LDB2: variants seen among roughly 807,000 people sequenced by gnomAD.
The protein encoded by LDB2 is LIM domain binding 2.
In LDB2, 12 loss-of-function variants were observed where a neutral mutation model predicts 44.3. The observed-to-expected ratio is 0.27, with a 90% CI of 0.17 to 0.44. The LOEUF (loss-of-function observed/expected upper bound fraction) is 0.44. Among genes scored for constraint, LDB2 ranks in the 20% least tolerant of loss-of-function variants. LDB2 has a pLI of 1.00. For synonymous variants in LDB2, 164 were observed against 174.8 expected (o/e 0.94, Z 0.49); for missense variants, 344 against 473.5 (o/e 0.73, Z 2.54).
intron 2 of LDB2, among the ~76,000 whole-genome samples, chr4:16,756,770 T>C (rs1766750438): frequency 6.6e-6 from 1 of 151,950 alleles, no homozygotes. Flanking sequence ...TGACATACAA[T>C]AAATAAATAA....
chr4:16,742,463 T>C (rs1763502187), intron 2 of LDB2, among the ~76,000 whole-genome samples: 1 of 152,208 alleles, frequency 6.6e-6, no homozygotes, highest in Non-Finnish European at 1.5e-5. Context: ...AACCCACTTT[T>C]TTCAGACTTG....
intron 1 of LDB2, among the ~76,000 whole-genome samples, chr4:16,759,982 G>A (rs781309053): frequency 6.6e-5 from 10 of 152,254 alleles, no homozygotes; most frequent in Middle Eastern, 3.4e-3. Flanking sequence ...CTTTGGAAGC[G>A]GCCCAGTTTA....
intron 1 of LDB2, among the ~76,000 whole-genome samples, chr4:16,824,987 A>G (rs1276070531): frequency 3.3e-5 from 5 of 152,234 alleles, no homozygotes; most frequent in African/African-American, 4.8e-5. Flanking sequence ...TATATGGTAG[A>G]TGCAGAGTAA....
At chr4:16,520,229 T>G (rs1318868284) in intron 5 of LDB2, among the ~76,000 whole-genome samples, 1 of 150,946 alleles carries the variant, frequency 6.6e-6, no homozygotes, top group Non-Finnish European at 1.5e-5. Flanking sequence ...AAAAACAAAC[T>G]CTTATCTAAG....
At chr4:16,880,353 T>A (rs974226669) in intron 1 of LDB2, among the ~76,000 whole-genome samples, 2 of 152,040 alleles carry the variant, frequency 1.3e-5, no homozygotes, top group African/African-American at 4.8e-5. Context: ...ACGGCTGAAA[T>A]CCAGAGCACT....
chr4:16,818,412 A>G (rs1407301591), intron 1 of LDB2, among the ~76,000 whole-genome samples: 4 of 152,236 alleles, frequency 2.6e-5, no homozygotes, highest in Admixed American at 1.3e-4. Context: ...AGAACTGTCA[A>G]TGAATCTGTG....
chr4:16,614,164 G>A (rs1436107310), intron 2 of LDB2, among the ~76,000 whole-genome samples: 3 of 152,112 alleles, frequency 2.0e-5, no homozygotes, highest in African/African-American at 7.2e-5. Flanking sequence ...ACAAGCAATG[G>A]GGAAAGGATA....
intron 2 of LDB2, among the ~76,000 whole-genome samples, chr4:16,734,822 C>T (rs1289828651): frequency 2.0e-5 from 3 of 151,740 alleles, no homozygotes; most frequent in Non-Finnish European, 4.4e-5. Flanking sequence ...GATTCTCCTG[C>T]CTCAGCCTCC....
intron 1 of LDB2, among the ~76,000 whole-genome samples, chr4:16,867,197 T>C (rs1056394391): frequency 4.6e-5 from 7 of 152,126 alleles, no homozygotes; most frequent in African/African-American, 1.7e-4. Context: ...TGCTCAGCCT[T>C]GGAAACACCC....
intron 1 of LDB2, among the ~76,000 whole-genome samples, chr4:16,774,019 C>G (rs1308046806): frequency 2.1e-5 from 2 of 94,194 alleles, no homozygotes; most frequent in Non-Finnish European, 2.5e-5. Context: ...GCTGGGCGTG[C>G]TGGCGCATGC....
At chr4:16,689,330 AG>A (rs971949209) in intron 2 of LDB2, among the ~76,000 whole-genome samples, 1 of 152,218 alleles carries the variant, frequency 6.6e-6, no homozygotes, top group Non-Finnish European at 1.5e-5. Context: ...AAGGAAACAA[AG>A]CTAAAAAATT....
intron 2 of LDB2, among the ~76,000 whole-genome samples, chr4:16,717,195 T>TGAG (rs34222510): frequency 0.22 from 33,677 of 149,798 alleles, 4,560 homozygotes; most frequent in Non-Finnish European, 0.31. Flanking sequence ...ATAATGATGA[T>TGAG]GAGGAGGACT....
In LDB2 at chr4:16,595,771, A is replaced by C. The variant is rs757149003; in HGVS notation, c.340T>G (p.Ser114Ala). The C allele has an allele frequency of 1.2e-6, 2 of 1,613,856 alleles. No homozygotes were observed. The highest frequency in any genetic ancestry group is 1.1e-5 in the South Asian group (1 of 91,054). The part of the protein sequence containing the change: ...LKHSKESYHN[S>A]SITVDCDQCT... The stretch of plus-strand genomic sequence containing the variant: ...TGGTCGCAGTCCACCGTGATGGATG[A>C]GTTGTGGTATGACTCTTTCGAGTGT... The change falls in exon 3 of 8, where the codon TCA becomes GCA. Residue 114 changes from serine (S) to alanine (A), a missense_variant. Physicochemically the swap from Ser to Ala is moderately conservative, Grantham distance 99. Around this residue, in one of 3 missense-constraint regions of LDB2, gnomAD observed 226 missense variants for 270.1 expected, o/e 0.84. Transcript: ENST00000304523.
chr4:16,671,336 C>T (rs1744714200), intron 2 of LDB2, among the ~76,000 whole-genome samples: 1 of 152,088 alleles, frequency 6.6e-6, no homozygotes, highest in Admixed American at 6.5e-5. Context: ...TGAGTTTCTT[C>T]ATGTGTAAAA....
At chr4:16,608,206 CAAAAAAAAAAA>C (rs71649969) in intron 2 of LDB2, among the ~76,000 whole-genome samples, 2 of 68,484 alleles carry the variant, frequency 2.9e-5, no homozygotes. Context: ...CACACTTCTT[CAAAAAAAAAAA>C]AAAAAAAAAA....
chr4:16,887,009 G>T (rs1380680505), intron 1 of LDB2, among the ~76,000 whole-genome samples: 1 of 136,704 alleles, frequency 7.3e-6, no homozygotes, highest in Non-Finnish European at 1.5e-5. Flanking sequence ...CTCCAGCCTG[G>T]GCGACAGAGC....
chr4:16,891,078 T>C (rs1723217143), intron 1 of LDB2, among the ~76,000 whole-genome samples: 1 of 152,186 alleles, frequency 6.6e-6, no homozygotes, highest in Non-Finnish European at 1.5e-5. Flanking sequence ...TCCTAACATT[T>C]ATTTTGGTTA....
chr4:16,869,376 G>C (rs1422414617), intron 1 of LDB2, among the ~76,000 whole-genome samples: 1 of 151,952 alleles, frequency 6.6e-6, no homozygotes, highest in South Asian at 2.1e-4. Flanking sequence ...AGACATGGAG[G>C]TGATAATATC....
At chr4:16,617,493 A>G (rs1727661146) in intron 2 of LDB2, among the ~76,000 whole-genome samples, 1 of 152,200 alleles carries the variant, frequency 6.6e-6, no homozygotes, top group African/African-American at 2.4e-5. Flanking sequence ...ATTAACACCC[A>G]GTGGAGAAAT....
Sources: allele counts gnomAD v4.1 joint callset (sites outside exome capture counted in the v4.1 genomes callset), GRCh38; gene constraint gnomAD v4.1.1; regional missense constraint gnomAD v4.1.1; transcripts MANE v1.5; gene names NCBI Gene and HGNC (gene_info 2026-07-23, HGNC 2026-07-21).